Variants in DNAJC1 observed in about 807,000 individuals in gnomAD.
DNAJC1 encodes dnaJ homolog subfamily C member 1.
Under a neutral mutation model 76.6 loss-of-function variants are expected in DNAJC1, and 58 were observed. The observed-to-expected ratio is 0.76, with a 90% CI of 0.61 to 0.94. DNAJC1 has a LOEUF of 0.94. Among genes scored for constraint, DNAJC1 ranks in the 40% least tolerant of loss-of-function variants. DNAJC1 has a pLI of 0.00. For missense variants in DNAJC1, 689 were observed against 677.3 expected (o/e 1.02, Z -0.19); for synonymous variants, 258 against 267.9 (o/e 0.96, Z 0.36).
intron 1 of DNAJC1, among the ~76,000 whole-genome samples, chr10:21,997,145 A>G (rs1401788239): frequency 6.6e-6 from 1 of 152,180 alleles, no homozygotes; most frequent in African/African-American, 2.4e-5. Flanking sequence ...ACTGGACAAA[A>G]TTGATAATCA....
At chr10:22,001,322 C>T (rs1838515490) in intron 1 of DNAJC1, among the ~76,000 whole-genome samples, 1 of 152,136 alleles carries the variant, frequency 6.6e-6, no homozygotes, top group Non-Finnish European at 1.5e-5. Flanking sequence ...ATTTCTGGTC[C>T]CTGAAAGTCA....
chr10:21,952,432 G>C (rs1828092844), intron 1 of DNAJC1, among the ~76,000 whole-genome samples: 1 of 152,096 alleles, frequency 6.6e-6, no homozygotes, highest in South Asian at 2.1e-4. Flanking sequence ...TAGTAGAAAA[G>C]TAAGAAAGCT....
chr10:21,930,387 T>C (rs1298423670), intron 1 of DNAJC1, among the ~76,000 whole-genome samples: 1 of 152,220 alleles, frequency 6.6e-6, no homozygotes, highest in Non-Finnish European at 1.5e-5. Context: ...GATAGCTGAC[T>C]GTCTAATTAA....
At chr10:21,766,394 G>C in intron 9 of DNAJC1, 85 bp from the exon 10 acceptor site, 1 of 988,140 alleles carries the variant, frequency 1.0e-6, no homozygotes, top group South Asian at 1.3e-5. Context: ...AGCTCCATGT[G>C]AATGAACACA....
At chr10:21,788,112 T>A (rs1386421965) in intron 9 of DNAJC1, among the ~76,000 whole-genome samples, 1 of 152,164 alleles carries the variant, frequency 6.6e-6, no homozygotes, top group Non-Finnish European at 1.5e-5. Flanking sequence ...CCACCTCCCA[T>A]TGCCTTGGGC....
intron 1 of DNAJC1, among the ~76,000 whole-genome samples, chr10:21,996,121 A>G (rs1247488881): frequency 6.6e-6 from 1 of 152,210 alleles, no homozygotes; most frequent in Non-Finnish European, 1.5e-5. Context: ...TGCTTCATCC[A>G]ATCAGAAATC....
At chr10:21,874,159 T>C (rs558084599) in intron 8 of DNAJC1, among the ~76,000 whole-genome samples, 2 of 152,376 alleles carry the variant, frequency 1.3e-5, no homozygotes, top group South Asian at 4.1e-4. Context: ...CTCACTCTTG[T>C]AATCCCAGCA....
chr10:21,833,383 A>C (rs760680120), intron 8 of DNAJC1, among the ~76,000 whole-genome samples: 45 of 152,230 alleles, frequency 3.0e-4, no homozygotes, highest in Non-Finnish European at 5.4e-4. Context: ...AGGCAGGCGA[A>C]TCAATTGAAC....
chr10:21,986,157 G>C lies in DNAJC1; in HGVS notation c.222+17056C>G, dbSNP rs932019969. Among the ~76,000 whole-genome samples the C allele has an allele frequency of 8.5e-5, 13 of 152,108 alleles. 1 individual carries two copies. The highest frequency in any genetic ancestry group is 1.5e-4 in the Non-Finnish European group (10 of 68,014). On this transcript the variant is annotated intron_variant, in intron 1 of 11. Coordinates refer to ENST00000376980, the MANE Select transcript of DNAJC1 (RefSeq NM_022365.4). ...CAGGAGAATGGCGTGAACCCGGGAG[G>C]CGGAGCTTGCAGTGAGCCACTGCAC... is the stretch of plus-strand genomic sequence containing the variant.
rs1159484702 is a variant in DNAJC1, at chr10:21,769,928, C to T, written c.1099-3619G>A. ...CTTGAACTCCCAGCCTCAGGTGATC[C>T]ACCCACCTCGGCCTCCCAAAGTGCT... On this transcript the variant is annotated intron_variant, in intron 9 of 11. Transcript: ENST00000376980. Among the ~76,000 whole-genome samples, 7 of 152,126 alleles carry T rather than the reference C, an allele frequency of 4.6e-5. No individual in the cohort carries two copies. In the East Asian group the frequency reaches 1.3e-3, roughly 29 times the overall value.
chr10:21,855,589 C>G (rs1027332661), intron 8 of DNAJC1, among the ~76,000 whole-genome samples: 9 of 152,062 alleles, frequency 5.9e-5, no homozygotes, highest in Non-Finnish European at 2.9e-5. Context: ...ATGATGAATA[C>G]AAATAGGTGA....
chr10:21,823,152 T>C (rs376161020), intron 8 of DNAJC1, among the ~76,000 whole-genome samples: 1 of 152,170 alleles, frequency 6.6e-6, no homozygotes, highest in Non-Finnish European at 1.5e-5. Context: ...AGACTTGAAC[T>C]GAAGTCTGCA....
At chr10:21,840,324 AGAC>A (rs1314879277) in intron 8 of DNAJC1, among the ~76,000 whole-genome samples, 3 of 152,242 alleles carry the variant, frequency 2.0e-5, no homozygotes, top group African/African-American at 4.8e-5. Flanking sequence ...CCCTGTTTGC[AGAC>A]GACATGATTG....
intron 7 of DNAJC1, among the ~76,000 whole-genome samples, chr10:21,899,550 C>A (rs2083501314): frequency 6.6e-6 from 1 of 152,194 alleles, no homozygotes; most frequent in African/African-American, 2.4e-5. Context: ...AAGGATCCCC[C>A]AACAATGCAG....
intron 1 of DNAJC1, among the ~76,000 whole-genome samples, chr10:21,974,221 A>C (rs910810510): frequency 2.0e-5 from 3 of 152,220 alleles, no homozygotes; most frequent in African/African-American, 7.2e-5. Flanking sequence ...GCTCAACCTA[A>C]CCAGTTAAAA....
chr10:21,916,081 A>C (rs917761066), intron 6 of DNAJC1, among the ~76,000 whole-genome samples: 3 of 152,240 alleles, frequency 2.0e-5, no homozygotes, highest in Non-Finnish European at 4.4e-5. Context: ...TACAAAGATT[A>C]TACAATTACA....
intron 8 of DNAJC1, among the ~76,000 whole-genome samples, chr10:21,829,277 T>C (rs1835316146): frequency 6.6e-6 from 1 of 151,828 alleles, no homozygotes; most frequent in Non-Finnish European, 1.5e-5. Context: ...TGCAGTGGCG[T>C]GATCTTGGCT....
chr10:21,937,665 T>A (rs1837331442), intron 1 of DNAJC1, among the ~76,000 whole-genome samples: 1 of 152,142 alleles, frequency 6.6e-6, no homozygotes, highest in African/African-American at 2.4e-5. Flanking sequence ...GAATACGCAT[T>A]TTTCTGAAGT....
At chr10:21,902,321 A>G (rs562376721) in intron 7 of DNAJC1, among the ~76,000 whole-genome samples, 10 of 152,298 alleles carry the variant, frequency 6.6e-5, no homozygotes, top group African/African-American at 2.2e-4. Flanking sequence ...ACAAAATTAA[A>G]AGAGACTTTT....
Sources: allele counts gnomAD v4.1 joint callset (sites outside exome capture counted in the v4.1 genomes callset), GRCh38; gene constraint gnomAD v4.1.1; transcripts MANE v1.5; gene names NCBI Gene and HGNC (gene_info 2026-07-23, HGNC 2026-07-21).